Variants in ARHGAP40 observed in about 807,000 individuals in gnomAD.
ARHGAP40 encodes Rho GTPase activating protein 40, also known as rho GTPase-activating protein 40.
ARHGAP40 carries 43 observed loss-of-function variants against 73.5 expected under a neutral mutation model. The observed-to-expected ratio is 0.58, with a 90% CI of 0.46 to 0.75. The LOEUF is 0.75. Ranked by LOEUF, ARHGAP40 falls within the 30% of genes least tolerant of loss-of-function variation. ARHGAP40 has a pLI of 0.00. For missense variants in ARHGAP40, 734 were observed against 861.8 expected (o/e 0.85, Z 1.86); for synonymous variants, 300 against 352.8 (o/e 0.85, Z 1.68).
chr20:38,627,124 G>A (rs940203024), exon 3 of ARHGAP40: 8 of 1,305,426 alleles, frequency 6.1e-6, no homozygotes, highest in African/African-American at 6.1e-5. Flanking sequence ...GCTGTGTGCC[G>A]CCGGCTGGAC....
chr20:38,647,000 AC>A lies in ARHGAP40; in HGVS notation c.1758del (p.Leu587Ter). 7.7e-7 allele frequency: 1 copy of A among 1,305,332 alleles called. No individual in the cohort carries two copies. Among genetic ancestry groups the A allele is most frequent in the Non-Finnish European group, 1.0e-6 (1 of 988,982 alleles). 80.9% of individuals were successfully genotyped at this position (1,305,332 alleles called of 1,614,324 possible). A position where few individuals can be genotyped will look rare whatever the true frequency, so the allele number is the denominator to read the frequency against. On this transcript the variant is annotated frameshift_variant, in exon 13 of 15. Transcript: ENST00000373345. LOFTEE classifies it high-confidence loss of function. The surrounding 1 kb of genome is among the most constrained non-coding windows in gnomAD (Gnocchi z 4.5). ...ATCCAGGTGGTCTGGCCTATCAAGG[AC>A]CCCTTGAAGGTGCCTCTCACCCCCA...
At chr20:38,620,281 G>T (rs1015733559) in intron 1 of ARHGAP40, among the ~76,000 whole-genome samples, 1 of 152,126 alleles carries the variant, frequency 6.6e-6, no homozygotes, top group Non-Finnish European at 1.5e-5. Flanking sequence ...TTGTGGATGC[G>T]TTCTCTTCCT....
intron 2 of ARHGAP40, among the ~76,000 whole-genome samples, chr20:38,625,366 C>G (rs2088893376): frequency 6.6e-6 from 1 of 151,478 alleles, no homozygotes; most frequent in Non-Finnish European, 1.5e-5. Flanking sequence ...CTGAGGGATC[C>G]TGAGTGGCAT....
chr20:38,614,362 C>CT (rs962368841), intron 1 of ARHGAP40, among the ~76,000 whole-genome samples: 12 of 151,448 alleles, frequency 7.9e-5, no homozygotes, highest in East Asian at 1.9e-4. Context: ...TTCTTTCTTT[C>CT]TTTTTTTTTG....
At chr20:38,632,832 T>C (rs1278114222) in intron 5 of ARHGAP40, among the ~76,000 whole-genome samples, 8 of 150,304 alleles carry the variant, frequency 5.3e-5, no homozygotes, top group Admixed American at 4.7e-4. Context: ...TTTTAAATAA[T>C]TGGGTGTGGG....
chr20:38,601,866 T>G lies in ARHGAP40; in HGVS notation c.-77T>G. 8 of 1,280,190 alleles carry G rather than the reference T, an allele frequency of 6.2e-6. No individual in the cohort carries two copies. The South Asian group carries it at 1.0e-4, about 16-fold the overall frequency. The allele number at this position is 1,280,190 out of a possible 1,614,324, so 79.3% of individuals were successfully genotyped here. On this transcript the variant is annotated 5_prime_UTR_variant, in exon 1 of 15. Transcript: ENST00000373345. ...CGCCACGGGGGCCCTACCTCACTCC[T>G]CCCTCTCACATTGCCGATCGAGTCA... is the stretch of plus-strand genomic sequence containing the variant.
At position 38,643,825 on chromosome 20, in the gene ARHGAP40, T is replaced by C. The variant is rs554966290; in HGVS notation, c.1484T>C (p.Leu495Pro). Residue 495 changes from leucine (L) to proline (P), a missense_variant, in exon 11 of 15, where the codon CTC (leucine) becomes CCC (proline). Transcript: ENST00000373345. ...CTGCACCAAGGGCGGCCCCCCAAGC[T>C]CCCCAAAGGCAAGGAGAAGCAGCTG... 17 of 1,305,238 alleles carry C rather than the reference T, an allele frequency of 1.3e-5. No homozygotes were observed. The African/African-American group carries it at 2.4e-4, about 19-fold the overall frequency. 80.9% of individuals were successfully genotyped at this position (1,305,238 alleles called of 1,614,324 possible).
intron 5 of ARHGAP40, among the ~76,000 whole-genome samples, chr20:38,632,353 C>A (rs1207659839): frequency 1.3e-5 from 2 of 152,096 alleles, no homozygotes; most frequent in East Asian, 3.9e-4. Context: ...AGCTCCGCCC[C>A]CTGGGTTCAT....
At chr20:38,614,314 C>G (rs535472996) in intron 1 of ARHGAP40, among the ~76,000 whole-genome samples, 56 of 152,322 alleles carry the variant, frequency 3.7e-4, no homozygotes, top group Admixed American at 3.1e-3. Context: ...CCCTGGCGTA[C>G]CCATACACAC....
chr20:38,641,913 C>A, intron 10 of ARHGAP40, 105 bp downstream of exon 10: 1 of 917,686 alleles, frequency 1.1e-6, no homozygotes, highest in Non-Finnish European at 1.5e-6. Flanking sequence ...ACAACTCTGC[C>A]AGGTGCTAGG....
rs186871726 is a variant in ARHGAP40, at chr20:38,625,135, T to C, written c.337+1577T>C. ...ACCTCCTAAGGGCCTAATAGTCTCA[T>C]GCAGTGCCTCCAAGTGTAAATGTAA... On this transcript the variant is annotated intron_variant, in intron 2 of 14. Transcript: ENST00000373345. Among the ~76,000 whole-genome samples, 493 of 152,386 alleles carry C rather than the reference T, an allele frequency of 3.2e-3. 1 individual carries two copies. The highest frequency in any genetic ancestry group is 5.2e-3 in the Non-Finnish European group (355 of 68,040).
exon 3 of ARHGAP40, chr20:38,627,081 C>T: frequency 7.7e-7 from 1 of 1,305,426 alleles, no homozygotes; most frequent in Non-Finnish European, 1.0e-6. Flanking sequence ...TCACCAGGAG[C>T]TCCTGTCCAC....
rs1258371115 is a variant in ARHGAP40 at position 38,634,794 on chromosome 20, C to T, written c.949+9C>T. 2 of 1,265,306 alleles carry T rather than the reference C, an allele frequency of 1.6e-6. No homozygotes were observed. The highest frequency in any genetic ancestry group is 1.1e-4 in the East Asian group (2 of 17,792). The allele number at this position is 1,265,306 out of a possible 1,614,324, so 78.4% of individuals were successfully genotyped here. On this transcript the variant is annotated intron_variant, in intron 6 of 14. Transcript: ENST00000373345. The stretch of plus-strand genomic sequence containing the variant: ...GAAGTGGAAAGCGGCAGGTGAGCAG[C>T]CCCAGCCCAGGGAAAGCCCTGTGGC...
intron 1 of ARHGAP40, among the ~76,000 whole-genome samples, chr20:38,611,822 C>G (rs953206216): frequency 6.6e-6 from 1 of 152,098 alleles, no homozygotes; most frequent in African/African-American, 2.4e-5. Flanking sequence ...GATCCTCCCA[C>G]CTCGGCCTCC....
chr20:38,647,989 T>C (rs2089064810), intron 13 of ARHGAP40, among the ~76,000 whole-genome samples: 1 of 152,180 alleles, frequency 6.6e-6, no homozygotes, highest in Non-Finnish European at 1.5e-5. Context: ...GGTCGGGGGC[T>C]GATGTGCAGC....
At position 38,608,370 on chromosome 20, in the gene ARHGAP40, C is replaced by T. The variant is rs148216269; in HGVS notation, c.137+6291C>T. Among the ~76,000 whole-genome samples the T allele has an allele frequency of 2.2e-3, 340 of 152,302 alleles. 1 individual carries two copies. The highest frequency in any genetic ancestry group is 7.9e-3 in the African/African-American group (327 of 41,566). ...AGGAAGCCTCTTCTCAGCCCACTCC[C>T]CCTTTTGTTCTCTAGTTACTACTCT... On this transcript the variant is annotated intron_variant, in intron 1 of 14. Transcript: ENST00000373345.
At chr20:38,637,770 A>G in exon 7 of ARHGAP40, 2 of 1,305,248 alleles carry the variant, frequency 1.5e-6, no homozygotes, top group Non-Finnish European at 2.0e-6. Context: ...AGTCCTCCCC[A>G]GCACACAGGT....
At position 38,615,533 on chromosome 20, in the gene ARHGAP40, G is replaced by A. The variant is rs1002993718; in HGVS notation, c.138-7826G>A. 34 of 608,180 alleles carry A rather than the reference G, an allele frequency of 5.6e-5. 1 individual carries two copies. Among genetic ancestry groups the A allele is most frequent in the South Asian group, 1.8e-4 (11 of 62,102 alleles). 37.7% of individuals were successfully genotyped at this position (608,180 alleles called of 1,614,324 possible). On this transcript the variant is annotated intron_variant, in intron 1 of 14. Coordinates refer to ENST00000373345, the Ensembl canonical transcript of ARHGAP40. ...GTCTCCTTGGGCCCTTCAGTGTCCC[G>A]GAGGAGGTGCCGCAGCCACTGTTTT...
exon 15 of ARHGAP40, chr20:38,649,775 C>A (rs2089077254): frequency 7.7e-7 from 1 of 1,305,078 alleles, no homozygotes; most frequent in African/African-American, 1.5e-5. Context: ...CGCCTGGACC[C>A]AGATGCCTAC....
Sources: allele counts gnomAD v4.1 joint callset (sites outside exome capture counted in the v4.1 genomes callset), GRCh38; gene constraint gnomAD v4.1.1; non-coding constraint Gnocchi (gnomAD v3.1); transcripts MANE v1.5; gene names NCBI Gene and HGNC (gene_info 2026-07-23, HGNC 2026-07-21).